Variants in GRHL2 observed in about 807,000 individuals in gnomAD.
GRHL2 encodes grainyhead like transcription factor 2.
Under a neutral mutation model 83.8 loss-of-function variants are expected in GRHL2, and 21 were observed. The observed-to-expected ratio is 0.25, with a 90% confidence interval of 0.18 to 0.36. The LOEUF is 0.36. Among genes scored for constraint, GRHL2 ranks in the 10% least tolerant of loss-of-function variants. The pLI is 1.00. For missense variants in GRHL2, 623 were observed against 781.8 expected, an observed-to-expected ratio of 0.80 and a Z score of 2.42; for synonymous variants, 280 against 278.9, an observed-to-expected ratio of 1.00 and a Z score of -0.04.
At chr8:101,613,232 C>A (rs897161618) in intron 8 of GRHL2, among the ~76,000 whole-genome samples, 4 of 150,558 alleles carry the variant, frequency 2.7e-5, no homozygotes. Flanking sequence ...GTATGTGAGT[C>A]CACCAAGCAT....
At chr8:101,635,124 G>T (rs1451673621) in intron 11 of GRHL2, among the ~76,000 whole-genome samples, 1 of 151,994 alleles carries the variant, frequency 6.6e-6, no homozygotes. Flanking sequence ...ACTGTTGTTT[G>T]TAAAAAAACT....
chr8:101,608,735 T>TCTCA lies in GRHL2; in HGVS notation c.1098+9585_1098+9586insTCAC, dbSNP rs1326292897. Among the ~76,000 whole-genome samples, 17 of 144,774 alleles carry TCTCA rather than the reference T, an allele frequency of 1.2e-4. 1 individual carries two copies. The East Asian group carries it at 1.2e-3, about 10-fold the overall frequency. 95.0% of individuals were successfully genotyped at this position (144,774 alleles called of 152,430 possible). On this transcript the variant is annotated intron_variant, in intron 8 of 15. Coordinates refer to ENST00000646743, the MANE Select transcript of GRHL2 (RefSeq NM_024915.4). ...ATTTGCTTTGTCTCTGCTCACTCTC[T>TCTCA]CACACACACACACACACACACACAC...
Position 101,661,171 on chromosome 8 carries a change from G to GTGTT in GRHL2, c.1699-3282_1699-3279dup, listed in dbSNP as rs1437051500. 5.3e-5 allele frequency among the ~76,000 whole-genome samples: 8 copies of GTGTT among 152,296 alleles called. 1 individual carries two copies. The South Asian group carries it at 1.5e-3, about 28-fold the overall frequency. On this transcript the variant is annotated intron_variant, in intron 14 of 15. Transcript: ENST00000646743. ...TTAAAAAGTCCATCAGCTATCATTA[G>GTGTT]TGTTAGTGTGTTTTATGTGTGGCCC... is the stretch of plus-strand genomic sequence containing the variant.
chr8:101,549,938 T>C (rs1020694386), intron 2 of GRHL2, among the ~76,000 whole-genome samples: 5 of 151,778 alleles, frequency 3.3e-5, no homozygotes, highest in African/African-American at 1.2e-4. Flanking sequence ...GGAATAACTA[T>C]ATTTTAGGAA....
chr8:101,517,422 A>C (rs1280781476), intron 1 of GRHL2, among the ~76,000 whole-genome samples: 2 of 152,204 alleles, frequency 1.3e-5, no homozygotes, highest in Admixed American at 1.3e-4. Context: ...CAAAGAGTGC[A>C]GGGAAAGTGT....
chr8:101,565,489 CA>C (rs897284545), intron 4 of GRHL2, among the ~76,000 whole-genome samples: 14 of 152,142 alleles, frequency 9.2e-5, no homozygotes, highest in African/African-American at 3.4e-4. Context: ...CATGTCTGTA[CA>C]GTTCTCTTCC....
Position 101,613,041 on chromosome 8 carries a change from G to A in GRHL2, c.1099-6498G>A, listed in dbSNP as rs1812783760. Among the ~76,000 whole-genome samples the A allele has an allele frequency of 1.3e-5, 2 of 150,946 alleles. 1 individual carries two copies. The highest frequency in any genetic ancestry group is 5.0e-5 in the African/African-American group (2 of 40,346). Reference sequence around the variant, plus strand: ...GGAGGTAAAAGGCAGCTCTCCATGGGATGGTCAAGGCAGGTATTTCCGAAG... The same window carrying A: ...GGAGGTAAAAGGCAGCTCTCCATGGAATGGTCAAGGCAGGTATTTCCGAAG... On this transcript the variant is annotated intron_variant, in intron 8 of 15. Transcript: ENST00000646743.
Position 101,631,630 on chromosome 8 carries a change from C to CTA in GRHL2, c.1258-5_1258-4dup, listed in dbSNP as rs751824521. ...GGCATTTTCTGTATTTGTTTTTTTC[C>CTA]TATCAGGGAGCAGAAAGAAAAATCC... is the stretch of plus-strand genomic sequence containing the variant. On this transcript the variant is annotated splice_polypyrimidine_tract_variant and splice_region_variant and intron_variant, in intron 9 of 15. Coordinates refer to ENST00000646743, the MANE Select transcript of GRHL2 (RefSeq NM_024915.4). The CTA allele has an allele frequency of 5.6e-6, 9 of 1,611,710 alleles. No homozygotes were observed. Among genetic ancestry groups the CTA allele is most frequent in the Non-Finnish European group, 5.9e-6 (7 of 1,178,324 alleles).
chr8:101,632,510 A>G, intron 11 of GRHL2, 145 bp downstream of exon 11: 1 of 997,128 alleles, frequency 1.0e-6, no homozygotes, highest in Non-Finnish European at 1.6e-6. Flanking sequence ...TCCCTATAGT[A>G]AATGCATTTT....
intron 15 of GRHL2, among the ~76,000 whole-genome samples, chr8:101,665,275 G>A (rs1814024490): frequency 6.6e-6 from 1 of 152,162 alleles, no homozygotes; most frequent in African/African-American, 2.4e-5. Flanking sequence ...GACGGTCTAA[G>A]AGTAGGGGCC....
intron 8 of GRHL2, among the ~76,000 whole-genome samples, chr8:101,606,122 C>A (rs1040653394): frequency 3.3e-5 from 5 of 152,090 alleles, no homozygotes; most frequent in African/African-American, 1.2e-4. Flanking sequence ...ATACAGTGAC[C>A]CTCCGCTCTA....
At chr8:101,604,678 A>T (rs1198352608) in intron 8 of GRHL2, among the ~76,000 whole-genome samples, 2 of 152,164 alleles carry the variant, frequency 1.3e-5, no homozygotes, top group Non-Finnish European at 2.9e-5. Flanking sequence ...ACATAAGATT[A>T]AAAAAAGCCT....
intron 7 of GRHL2, among the ~76,000 whole-genome samples, chr8:101,584,455 C>T (rs988746911): frequency 1.3e-5 from 2 of 152,150 alleles, no homozygotes; most frequent in African/African-American, 4.8e-5. Context: ...TTAAGAGACT[C>T]TTGATCACAG....
At chr8:101,646,325 A>C (rs140640275) in intron 13 of GRHL2, among the ~76,000 whole-genome samples, 111 of 152,360 alleles carry the variant, frequency 7.3e-4, no homozygotes, top group African/African-American at 2.5e-3. Flanking sequence ...GCTAGCCTTC[A>C]TACAGAGTGC....
intron 2 of GRHL2, among the ~76,000 whole-genome samples, chr8:101,552,081 C>T (rs949237493): frequency 2.6e-5 from 4 of 152,012 alleles, no homozygotes; most frequent in East Asian, 1.9e-4. Flanking sequence ...GTGATCCGCC[C>T]GCCTTGGCCT....
At chr8:101,612,487 AG>A (rs1023611838) in intron 8 of GRHL2, among the ~76,000 whole-genome samples, 1 of 107,040 alleles carries the variant, frequency 9.3e-6, no homozygotes, top group Non-Finnish European at 1.9e-5. Flanking sequence ...TGGATTAGAT[AG>A]ATAGATAGAT....
chr8:101,600,532 A>G (rs1353945036), intron 8 of GRHL2, among the ~76,000 whole-genome samples: 1 of 151,998 alleles, frequency 6.6e-6, no homozygotes, highest in Admixed American at 6.5e-5. Context: ...TTCCTTTCTC[A>G]TCGTTCCCTG....
intron 12 of GRHL2, among the ~76,000 whole-genome samples, chr8:101,643,140 G>A (rs1813434979): frequency 6.6e-6 from 1 of 152,066 alleles, no homozygotes; most frequent in African/African-American, 2.4e-5. Context: ...AAGCCCTGAA[G>A]TCTAAAATCC....
chr8:101,504,716 C>T (rs1424156512), intron 1 of GRHL2, among the ~76,000 whole-genome samples: 1 of 151,820 alleles, frequency 6.6e-6, no homozygotes, highest in Non-Finnish European at 1.5e-5. Flanking sequence ...GAGGGCCACA[C>T]AGTGACTCAT....
Sources: allele counts gnomAD v4.1 joint callset (sites outside exome capture counted in the v4.1 genomes callset), GRCh38; gene constraint gnomAD v4.1.1; transcripts MANE v1.5; gene names NCBI Gene and HGNC (gene_info 2026-07-23, HGNC 2026-07-21).